ANKRD13C: variants seen among roughly 807,000 people sequenced by gnomAD.
ANKRD13C encodes ankyrin repeat domain-containing protein 13C.
In ANKRD13C, 16 loss-of-function variants were observed where a neutral mutation model predicts 65.5. The observed-to-expected ratio is 0.24, with a 90% CI of 0.17 to 0.37. The LOEUF is 0.37. ANKRD13C is among the 10% of genes least tolerant of loss of function. The probability of loss-of-function intolerance (pLI) is 1.00; values close to 1 mark genes in which losing one functional copy is unlikely to be tolerated. For synonymous variants in ANKRD13C, 235 were observed against 238.7 expected, an observed-to-expected ratio of 0.98 and a Z score of 0.14; for missense variants, 503 against 655.9, an observed-to-expected ratio of 0.77 and a Z score of 2.55.
Position 70,259,040 on chromosome 1 carries a change from T to C in ANKRD13C, c.*3677A>G, listed in dbSNP as rs1212707630. ...GGCTTTATTGTATAGTCTAGGTGAGTGGTATGCTATACCACCTAGGTTTGT... is the reference window on the plus strand; with the variant it reads ...GGCTTTATTGTATAGTCTAGGTGAGCGGTATGCTATACCACCTAGGTTTGT... On this transcript the variant is annotated 3_prime_UTR_variant, in exon 13 of 13. Coordinates refer to ENST00000370944, the MANE Select transcript of ANKRD13C (RefSeq NM_030816.5). Among the ~76,000 whole-genome samples the C allele has an allele frequency of 6.6e-6, 1 of 152,012 alleles. No individual in the cohort carries two copies. Among genetic ancestry groups the C allele is most frequent in the Non-Finnish European group, 1.5e-5 (1 of 68,002 alleles).
In ANKRD13C at chr1:70,294,088, T is replaced by C. The variant is rs545486039; in HGVS notation, c.1054-1539A>G. On this transcript the variant is annotated intron_variant, in intron 8 of 12. Transcript: ENST00000370944. Reference sequence around the variant, plus strand: ...AAAAAGAGTGAACTAGCACTACATGTACTGGTAAGAGAAGATTTCTACGAC... The same window carrying C: ...AAAAAGAGTGAACTAGCACTACATGCACTGGTAAGAGAAGATTTCTACGAC... Among the ~76,000 whole-genome samples the C allele has an allele frequency of 3.3e-5, 5 of 152,218 alleles. 1 individual carries two copies. Among genetic ancestry groups the C allele is most frequent in the Admixed American group, 3.3e-4 (5 of 15,288 alleles).
Position 70,336,885 on chromosome 1 carries a change from A to C in ANKRD13C, c.431-786T>G, listed in dbSNP as rs528315763. On this transcript the variant is annotated intron_variant, in intron 1 of 12. Coordinates refer to ENST00000370944, the MANE Select transcript of ANKRD13C (RefSeq NM_030816.5). Reference sequence around the variant, plus strand: ...CTACATCCTATAGTTGATGTTATAGAATGACGAATTTAATTTCAAAATGAT... The same window carrying C: ...CTACATCCTATAGTTGATGTTATAGCATGACGAATTTAATTTCAAAATGAT... Among the ~76,000 whole-genome samples the C allele has an allele frequency of 4.1e-3, 625 of 152,316 alleles. 6 individuals carry two copies. Among genetic ancestry groups the C allele is most frequent in the South Asian group, 0.036 (174 of 4,830 alleles).
At chr1:70,302,946 GC>G (rs1680441500) in intron 6 of ANKRD13C, among the ~76,000 whole-genome samples, 1 of 152,036 alleles carries the variant, frequency 6.6e-6, no homozygotes, top group African/African-American at 2.4e-5. Context: ...TTCCCTGCTT[GC>G]CCATCATAGG....
chr1:70,348,426 C>T (rs937323545), intron 1 of ANKRD13C, among the ~76,000 whole-genome samples: 1 of 152,034 alleles, frequency 6.6e-6, no homozygotes, highest in African/African-American at 2.4e-5. Context: ...CGACCATGCC[C>T]GGCTAATGTT....
chr1:70,299,465 TGAGAA>T (rs1346345637), intron 7 of ANKRD13C, among the ~76,000 whole-genome samples: 1 of 152,182 alleles, frequency 6.6e-6, no homozygotes, highest in African/African-American at 2.4e-5. Context: ...TAGAAGCAGA[TGAGAA>T]GGGAGCCAGG....
rs767896416 is a variant in ANKRD13C at position 70,262,744 on chromosome 1, T to A, written c.1599A>T (p.Glu533Asp). 33 of 1,612,046 alleles carry A rather than the reference T, an allele frequency of 2.0e-5. No homozygotes were observed. The highest frequency in any genetic ancestry group is 2.7e-5 in the African/African-American group (2 of 74,888). Residue 533 changes from glutamate to aspartate, a missense_variant, in exon 13 of 13, where the codon GAA becomes GAT. Coordinates refer to ENST00000370944, the MANE Select transcript of ANKRD13C (RefSeq NM_030816.5). ...SIFTIPDDYKEDPSRFPDL is the reference protein window; with the variant it reads ...SIFTIPDDYKDDPSRFPDL Reference sequence around the variant, plus strand: ...AAAGATCAGGAAAACGGCTTGGGTCTTCCTTGTAGTCATCAGGTATAGTAA... The same window carrying A: ...AAAGATCAGGAAAACGGCTTGGGTCATCCTTGTAGTCATCAGGTATAGTAA...
chr1:70,264,494 A>G (rs1217641159), intron 12 of ANKRD13C, among the ~76,000 whole-genome samples: 2 of 149,900 alleles, frequency 1.3e-5, no homozygotes, highest in Admixed American at 6.6e-5. Flanking sequence ...AAAAAAAAAA[A>G]AAAAAAAATT....
rs1270175882 is a variant in ANKRD13C at position 70,259,441 on chromosome 1, A to G, written c.*3276T>C. 6.6e-6 allele frequency among the ~76,000 whole-genome samples: 1 copy of G among 152,170 alleles called. No individual in the cohort carries two copies. The highest frequency in any genetic ancestry group is 1.5e-5 in the Non-Finnish European group (1 of 68,012). ...AGGTACCATTATGACTGAAAGTATT[A>G]CTCTTCTAAAATGAACTGTAACAAT... On this transcript the variant is annotated 3_prime_UTR_variant, in exon 13 of 13. Transcript: ENST00000370944.
At chr1:70,276,241 G>C (rs1356962921) in intron 10 of ANKRD13C, among the ~76,000 whole-genome samples, 1 of 152,024 alleles carries the variant, frequency 6.6e-6, no homozygotes, top group African/African-American at 2.4e-5. Context: ...CTATGTGGTA[G>C]GCACTCTACT....
intron 9 of ANKRD13C, among the ~76,000 whole-genome samples, chr1:70,290,539 CT>C (rs768872701): frequency 0.03 from 4,321 of 142,002 alleles, 180 homozygotes; most frequent in African/African-American, 0.097. Flanking sequence ...GATTTTTCTC[CT>C]TTTTTTTTTT....
At chr1:70,315,836 AAGTT>A (rs1410007608) in intron 3 of ANKRD13C, among the ~76,000 whole-genome samples, 1 of 152,228 alleles carries the variant, frequency 6.6e-6, no homozygotes, top group South Asian at 2.1e-4. Context: ...TAGATAGAAT[AAGTT>A]AGTAAGTAAG....
chr1:70,333,407 A>G (rs1159892590), intron 2 of ANKRD13C, among the ~76,000 whole-genome samples: 4 of 152,150 alleles, frequency 2.6e-5, no homozygotes, highest in Admixed American at 2.0e-4. Context: ...AGAGATGTCA[A>G]TCATGGCCTG....
Position 70,276,859 on chromosome 1 carries a change from AAAG to A in ANKRD13C, c.1216-18_1216-16del. 3.2e-5 allele frequency: 51 copies of A among 1,575,602 alleles called. No homozygotes were observed. Among genetic ancestry groups the A allele is most frequent in the Non-Finnish European group, 3.7e-5 (43 of 1,164,872 alleles). ...CTTCGAATCGGCTGCCAAAAAAAAA[AAAG>A]AAAGAAAGTGGGGTGGGGGAGAAAG... On this transcript the variant is annotated splice_polypyrimidine_tract_variant and intron_variant, in intron 9 of 12. Transcript: ENST00000370944.
chr1:70,305,099 T>TA (rs1441159733), intron 6 of ANKRD13C, among the ~76,000 whole-genome samples: 1 of 151,802 alleles, frequency 6.6e-6, no homozygotes, highest in African/African-American at 2.4e-5. Context: ...CTTTATTATC[T>TA]AAAAAAAGAA....
chr1:70,319,188 T>C (rs140968565), intron 3 of ANKRD13C, among the ~76,000 whole-genome samples: 1 of 152,342 alleles, frequency 6.6e-6, no homozygotes, highest in Non-Finnish European at 1.5e-5. Context: ...TTGCAGAGAC[T>C]GGAAATTGGG....
rs558106944 is a variant in ANKRD13C at position 70,313,355 on chromosome 1, T to C, written c.709+390A>G. On this transcript the variant is annotated intron_variant, in intron 5 of 12. Transcript: ENST00000370944. ...ACCAGCCTGGGAAACACAGTGAGAT[T>C]CCATCTCTACAAAAAATAAAAATAA... is the stretch of plus-strand genomic sequence containing the variant. Among the ~76,000 whole-genome samples, 7 of 151,850 alleles carry C rather than the reference T, an allele frequency of 4.6e-5. No homozygotes were observed. The East Asian group carries it at 1.4e-3, about 29-fold the overall frequency.
intron 2 of ANKRD13C, among the ~76,000 whole-genome samples, chr1:70,335,203 G>A (rs1025284957): frequency 4.6e-5 from 7 of 151,890 alleles, no homozygotes; most frequent in Non-Finnish European, 1.0e-4. Context: ...TCAGGAGATC[G>A]AGACCAGACT....
rs991165482 is a variant in ANKRD13C at position 70,265,416 on chromosome 1, A to C, written c.1496-2569T>G. ...ATAAAAACAGAAAAGTTTCTACTAC[A>C]TTTAACAATAAGGATCAATAATAAA... is the stretch of plus-strand genomic sequence containing the variant. On this transcript the variant is annotated intron_variant, in intron 12 of 12. Coordinates refer to ENST00000370944, the MANE Select transcript of ANKRD13C (RefSeq NM_030816.5). 3.3e-5 allele frequency among the ~76,000 whole-genome samples: 5 copies of C among 152,220 alleles called. No individual in the cohort carries two copies. The East Asian group carries it at 9.6e-4, about 29-fold the overall frequency.
chr1:70,300,005 G>A (rs1680276963), intron 7 of ANKRD13C, among the ~76,000 whole-genome samples: 1 of 152,162 alleles, frequency 6.6e-6, no homozygotes, highest in Non-Finnish European at 1.5e-5. Context: ...CTTGAAGAGG[G>A]AAAGGACAGA....
Sources: allele counts gnomAD v4.1 joint callset (sites outside exome capture counted in the v4.1 genomes callset), GRCh38; gene constraint gnomAD v4.1.1; transcripts MANE v1.5; gene names NCBI Gene and HGNC (gene_info 2026-07-23, HGNC 2026-07-21).